The following GABRB1 variants were observed in gnomAD, a reference collection of about 807,000 sequenced individuals.
GABRB1 encodes gamma-aminobutyric acid type A receptor subunit beta1.
A neutral mutation model predicts 51.6 loss-of-function variants in GABRB1; 17 were observed. The ratio of observed to expected loss-of-function variants is 0.33; its 90% confidence interval spans 0.23 to 0.49. The LOEUF is 0.49. Among genes scored for constraint, GABRB1 ranks in the 20% least tolerant of loss-of-function variants. The pLI is 0.99. For synonymous variants in GABRB1, 247 were observed against 218.9 expected, an observed-to-expected ratio of 1.13 and a Z score of -1.14; for missense variants, 410 against 600.6, an observed-to-expected ratio of 0.68 and a Z score of 3.32.
chr4:47,016,144 G>A (rs1362960368), intron 1 of GABRB1, among the ~76,000 whole-genome samples: 3 of 152,068 alleles, frequency 2.0e-5, no homozygotes, highest in African/African-American at 2.4e-5. Context: ...ATAGGGGAGA[G>A]GTTCAATGAA....
chr4:47,228,994 C>T (rs2109833347), intron 4 of GABRB1, among the ~76,000 whole-genome samples: 1 of 152,246 alleles, frequency 6.6e-6, no homozygotes, highest in South Asian at 2.1e-4. Flanking sequence ...TCTACTATTG[C>T]CAGGCACTGT....
intron 5 of GABRB1, among the ~76,000 whole-genome samples, chr4:47,333,081 A>G (rs1725545300): frequency 6.8e-6 from 1 of 147,048 alleles, no homozygotes; most frequent in Non-Finnish European, 1.5e-5. Flanking sequence ...AAATTCATAT[A>G]TATAAAATAT....
chr4:47,186,771 T>A (rs1719198726), intron 4 of GABRB1, among the ~76,000 whole-genome samples: 1 of 151,888 alleles, frequency 6.6e-6, no homozygotes, highest in Non-Finnish European at 1.5e-5. Flanking sequence ...TAGGCTCCTC[T>A]TATTAGAGAG....
At chr4:47,249,052 T>C (rs1320825787) in intron 4 of GABRB1, among the ~76,000 whole-genome samples, 1 of 152,080 alleles carries the variant, frequency 6.6e-6, no homozygotes, top group Admixed American at 6.6e-5. Flanking sequence ...TCTGCTGGGT[T>C]TGGGTTTGGT....
intron 5 of GABRB1, among the ~76,000 whole-genome samples, chr4:47,352,319 C>A (rs1047522931): frequency 2.6e-5 from 4 of 152,108 alleles, no homozygotes; most frequent in African/African-American, 9.7e-5. Context: ...GGATTCACAG[C>A]CGAATTCTAC....
chr4:47,090,352 T>A (rs1728243256), intron 3 of GABRB1, among the ~76,000 whole-genome samples: 1 of 152,336 alleles, frequency 6.6e-6, no homozygotes, highest in Admixed American at 6.5e-5. Context: ...GAAGACATTT[T>A]ATAGGGTTGT....
chr4:47,345,110 G>A (rs369947279), intron 5 of GABRB1, among the ~76,000 whole-genome samples: 3 of 152,314 alleles, frequency 2.0e-5, no homozygotes, highest in Non-Finnish European at 2.9e-5. Flanking sequence ...TATGTCTAAT[G>A]TGTCTTCCCT....
intron 3 of GABRB1, among the ~76,000 whole-genome samples, chr4:47,153,947 C>T (rs1296376805): frequency 1.3e-5 from 2 of 151,804 alleles, no homozygotes; most frequent in Admixed American, 1.3e-4. Flanking sequence ...ATAAAGAATG[C>T]ATGTATTTTA....
intron 4 of GABRB1, among the ~76,000 whole-genome samples, chr4:47,189,654 A>C (rs1719352364): frequency 6.6e-6 from 1 of 151,836 alleles, no homozygotes; most frequent in Non-Finnish European, 1.5e-5. Context: ...GTTGATTCGC[A>C]TTCCTAAACA....
chr4:47,246,297 T>TACACAC (rs1210848598), intron 4 of GABRB1, among the ~76,000 whole-genome samples: 1 of 89,350 alleles, frequency 1.1e-5, no homozygotes, highest in African/African-American at 4.5e-5. Flanking sequence ...TATATATATA[T>TACACAC]ATACACACAC....
chr4:47,149,813 T>C (rs1421730284), intron 3 of GABRB1, among the ~76,000 whole-genome samples: 1 of 152,052 alleles, frequency 6.6e-6, no homozygotes, highest in Non-Finnish European at 1.5e-5. Flanking sequence ...CTTTTTCTTT[T>C]TTTCTCATTA....
chr4:47,067,168 C>T (rs979374098), intron 3 of GABRB1, among the ~76,000 whole-genome samples: 2 of 152,138 alleles, frequency 1.3e-5, no homozygotes, highest in Non-Finnish European at 2.9e-5. Context: ...AATGTGCTTA[C>T]TATATTCAGT....
intron 5 of GABRB1, among the ~76,000 whole-genome samples, chr4:47,389,499 C>T (rs1366092392): frequency 6.6e-6 from 1 of 152,194 alleles, no homozygotes; most frequent in Non-Finnish European, 1.5e-5. Context: ...AGTAATATGG[C>T]TATCTGTAAG....
chr4:47,229,749 C>A (rs1050283898), intron 4 of GABRB1, among the ~76,000 whole-genome samples: 1 of 151,808 alleles, frequency 6.6e-6, no homozygotes, highest in Non-Finnish European at 1.5e-5. Context: ...GAGAAGATGG[C>A]AATATAAAGA....
intron 3 of GABRB1, among the ~76,000 whole-genome samples, chr4:47,070,772 C>T (rs1727300813): frequency 6.6e-6 from 1 of 151,994 alleles, no homozygotes; most frequent in African/African-American, 2.4e-5. Context: ...TTGAGCTATC[C>T]CAGGTTTCAT....
intron 4 of GABRB1, among the ~76,000 whole-genome samples, chr4:47,299,551 C>T (rs1225032379): frequency 3.9e-5 from 6 of 152,186 alleles, no homozygotes; most frequent in Non-Finnish European, 8.8e-5. Flanking sequence ...TACCATCTCA[C>T]ACCAGTTAGA....
intron 5 of GABRB1, among the ~76,000 whole-genome samples, chr4:47,386,997 T>A (rs1275089872): frequency 1.3e-5 from 2 of 152,216 alleles, no homozygotes; most frequent in Admixed American, 6.5e-5. Flanking sequence ...CCCCACAAAG[T>A]GCTGATTAAA....
chr4:47,288,708 C>T (rs977523503), intron 4 of GABRB1, among the ~76,000 whole-genome samples: 1 of 152,082 alleles, frequency 6.6e-6, no homozygotes, highest in Admixed American at 6.6e-5. Context: ...TTATTGAATC[C>T]TAGTCTTTCA....
chr4:47,109,212 A>G (rs928436270), intron 3 of GABRB1, among the ~76,000 whole-genome samples: 1 of 152,106 alleles, frequency 6.6e-6, no homozygotes, highest in African/African-American at 2.4e-5. Flanking sequence ...CTGGGGAACC[A>G]GATAGAAGAG....
Sources: allele counts gnomAD v4.1 joint callset (sites outside exome capture counted in the v4.1 genomes callset), GRCh38; gene constraint gnomAD v4.1.1; transcripts MANE v1.5; gene names NCBI Gene and HGNC (gene_info 2026-07-23, HGNC 2026-07-21).